The following ITGB6 variants were observed in gnomAD, a reference collection of about 807,000 sequenced individuals.
The protein encoded by ITGB6 is integrin beta-6.
Under a neutral mutation model 84.5 loss-of-function variants are expected in ITGB6, and 80 were observed. The observed-to-expected ratio is 0.95, with a 90% CI of 0.79 to 1.14. ITGB6 has a LOEUF of 1.14. ITGB6 is among the 50% of genes most tolerant of loss of function. The probability of loss-of-function intolerance (pLI) is 0.00; values close to 1 mark genes in which losing one functional copy is unlikely to be tolerated. For synonymous variants in ITGB6, 383 were observed against 354.9 expected, an observed-to-expected ratio of 1.08 and a Z score of -0.89; for missense variants, 1,006 against 968.0, an observed-to-expected ratio of 1.04 and a Z score of -0.52.
At chr2:160,127,356 C>G (rs1301122646) in intron 10 of ITGB6, among the ~76,000 whole-genome samples, 2 of 152,230 alleles carry the variant, frequency 1.3e-5, no homozygotes, top group African/African-American at 4.8e-5. Flanking sequence ...GAACCCTGTT[C>G]TCCACAACCC....
intron 7 of ITGB6, among the ~76,000 whole-genome samples, chr2:160,159,328 A>T (rs1228367046): frequency 6.6e-6 from 1 of 152,170 alleles, no homozygotes; most frequent in Non-Finnish European, 1.5e-5. Flanking sequence ...TCCCTACCTG[A>T]TTCTAATGAG....
chr2:160,125,299 A>G (rs1164768567), intron 11 of ITGB6, among the ~76,000 whole-genome samples: 1 of 152,238 alleles, frequency 6.6e-6, no homozygotes, highest in Non-Finnish European at 1.5e-5. Context: ...TCTCAAAACT[A>G]ACATAAATCC....
intron 10 of ITGB6, among the ~76,000 whole-genome samples, chr2:160,129,710 A>G (rs558338274): frequency 6.6e-6 from 1 of 152,304 alleles, no homozygotes; most frequent in African/African-American, 2.4e-5. Flanking sequence ...TGTAGAAGGA[A>G]GAATTCTGGA....
intron 7 of ITGB6, among the ~76,000 whole-genome samples, chr2:160,156,146 G>T (rs1467696940): frequency 6.6e-6 from 1 of 152,186 alleles, no homozygotes; most frequent in Non-Finnish European, 1.5e-5. Flanking sequence ...GGGTAATCAA[G>T]ATGCCACTTA....
intron 9 of ITGB6, 63 bp from the exon 10 acceptor site, chr2:160,137,914 T>C: frequency 6.4e-7 from 1 of 1,565,582 alleles, no homozygotes; most frequent in Non-Finnish European, 8.7e-7. Flanking sequence ...GAAACAAGGC[T>C]TCACGGAAAT....
chr2:160,182,593 C>G (rs1459332675), intron 4 of ITGB6, among the ~76,000 whole-genome samples: 1 of 152,140 alleles, frequency 6.6e-6, no homozygotes, highest in East Asian at 1.9e-4. Context: ...AGGAGAACTT[C>G]CCCAACACAG....
intron 8 of ITGB6, among the ~76,000 whole-genome samples, chr2:160,140,612 G>A (rs1276308766): frequency 6.6e-6 from 1 of 152,204 alleles, no homozygotes; most frequent in African/African-American, 2.4e-5. Flanking sequence ...ATTACTGCAT[G>A]AGAGGGAGGA....
At chr2:160,167,142 A>G (rs939194081) in intron 7 of ITGB6, among the ~76,000 whole-genome samples, 3 of 152,226 alleles carry the variant, frequency 2.0e-5, no homozygotes, top group Admixed American at 6.5e-5. Context: ...TTCAGTAGCT[A>G]CGTTCCTTAT....
intron 2 of ITGB6, 112 bp downstream of exon 2, chr2:160,199,067 A>T: frequency 1.3e-6 from 1 of 791,578 alleles, no homozygotes; most frequent in Non-Finnish European, 2.2e-6. Flanking sequence ...GATTTGTTTT[A>T]CTTATACAAC....
chr2:160,116,198 GAC>G (rs1179800380), intron 12 of ITGB6, among the ~76,000 whole-genome samples: 4 of 151,734 alleles, frequency 2.6e-5, no homozygotes, highest in Non-Finnish European at 4.4e-5. Flanking sequence ...GCAACTCCAA[GAC>G]ACACAATTAT....
chr2:160,187,894 A>C (rs775353102), intron 4 of ITGB6, among the ~76,000 whole-genome samples: 1 of 152,280 alleles, frequency 6.6e-6, no homozygotes, highest in East Asian at 1.9e-4. Flanking sequence ...TTAATTTTCA[A>C]GAGTCTAAGG....
chr2:160,150,014 C>T (rs1417862071), intron 7 of ITGB6, among the ~76,000 whole-genome samples: 1 of 152,154 alleles, frequency 6.6e-6, no homozygotes, highest in Admixed American at 6.5e-5. Context: ...GAGAACGGAA[C>T]CAAGTTGGAA....
chr2:160,127,953 G>A (rs77719685), intron 10 of ITGB6, among the ~76,000 whole-genome samples: 129 of 152,240 alleles, frequency 8.5e-4, no homozygotes, highest in African/African-American at 2.9e-3. Flanking sequence ...CTTGTGACTG[G>A]ATGACATAAT....
intron 4 of ITGB6, among the ~76,000 whole-genome samples, chr2:160,184,717 G>A (rs1024910050): frequency 2.0e-5 from 3 of 152,120 alleles, no homozygotes; most frequent in Admixed American, 6.5e-5. Context: ...GAACATTGAC[G>A]CGAAAATCCT....
chr2:160,106,029 C>A (rs1267845566), intron 14 of ITGB6, among the ~76,000 whole-genome samples: 2 of 152,190 alleles, frequency 1.3e-5, no homozygotes, highest in East Asian at 3.8e-4. Context: ...CTTCAACTAT[C>A]CCTCCATCCC....
chr2:160,112,203 C>T lies in ITGB6; in HGVS notation c.1982-4G>A, dbSNP rs766857039. 1.9e-6 allele frequency: 3 copies of T among 1,606,862 alleles called. No homozygotes were observed. Among genetic ancestry groups the T allele is most frequent in the East Asian group, 4.5e-5 (2 of 44,734 alleles). ...ACAGAACCATCCTTTGAGAAATCTG[C>T]AGATAAAGGAGTCATTCATTAGGTT... is the stretch of plus-strand genomic sequence containing the variant. On this transcript the variant is annotated splice_region_variant and splice_polypyrimidine_tract_variant and intron_variant, in intron 12 of 14. Coordinates refer to ENST00000283249, the MANE Select transcript of ITGB6 (RefSeq NM_000888.5).
intron 4 of ITGB6, among the ~76,000 whole-genome samples, chr2:160,184,800 C>A (rs559465388): frequency 1.3e-3 from 200 of 152,302 alleles, no homozygotes; most frequent in African/African-American, 4.6e-3. Context: ...CTGGCTTCAT[C>A]CCTGTGATGC....
chr2:160,194,748 A>T (rs1686267345), intron 4 of ITGB6, among the ~76,000 whole-genome samples: 1 of 152,158 alleles, frequency 6.6e-6, no homozygotes, highest in Non-Finnish European at 1.5e-5. Context: ...GTCACAAAGC[A>T]ATCTGTCCTC....
intron 12 of ITGB6, among the ~76,000 whole-genome samples, chr2:160,112,473 T>C (rs576907931): frequency 6.6e-6 from 1 of 152,264 alleles, no homozygotes; most frequent in East Asian, 1.9e-4. Flanking sequence ...CTGAACGTAC[T>C]TCAAGGCAGG....
Sources: gnomAD v4.1 joint callset for allele counts (sites outside exome capture counted in the v4.1 genomes callset) on GRCh38, gnomAD v4.1.1 for gene constraint, MANE v1.5 for transcripts, NCBI Gene and HGNC (gene_info 2026-07-23, HGNC 2026-07-21) for gene names.